MMP26: variants seen among roughly 807,000 people sequenced by gnomAD.
MMP26 encodes matrix metallopeptidase 26.
Under a neutral mutation model 31.0 loss-of-function variants are expected in MMP26, and 33 were observed. That is an observed-to-expected ratio of 1.06 (90% confidence interval 0.81 to 1.42). The LOEUF (loss-of-function observed/expected upper bound fraction) is 1.42, where lower values mean the gene tolerates loss of function less well. Ranked by LOEUF, MMP26 falls within the 40% of genes most tolerant of loss-of-function variation. The pLI, the probability that MMP26 is intolerant of heterozygous loss-of-function variation, is 0.00. For missense variants in MMP26, 347 were observed against 316.1 expected, an observed-to-expected ratio of 1.10 and a Z score of -0.74; for synonymous variants, 122 against 114.9, an observed-to-expected ratio of 1.06 and a Z score of -0.40.
intron 2 of MMP26, among the ~76,000 whole-genome samples, chr11:4,841,329 A>G (rs1849792867): frequency 6.6e-6 from 1 of 152,294 alleles, no homozygotes; most frequent in African/African-American, 2.4e-5. Flanking sequence ...GTTAGAGAAT[A>G]CCGAATCAAT....
At chr11:4,805,842 T>C (rs1849260357) in intron 2 of MMP26, among the ~76,000 whole-genome samples, 1 of 152,200 alleles carries the variant, frequency 6.6e-6, no homozygotes, top group Non-Finnish European at 1.5e-5. Flanking sequence ...TTGAGTTTTT[T>C]GGTGATCACT....
intron 2 of MMP26, among the ~76,000 whole-genome samples, chr11:4,881,431 G>A (rs1208440102): frequency 6.6e-6 from 1 of 152,044 alleles, no homozygotes; most frequent in Non-Finnish European, 1.5e-5. Context: ...AACATATGTA[G>A]ACTTTTATAC....
intron 1 of MMP26, chr11:4,723,050 T>G: frequency 8.7e-7 from 1 of 1,153,164 alleles, no homozygotes; most frequent in Non-Finnish European, 1.3e-6. Flanking sequence ...CAGTTTGACT[T>G]TCATCAGCTC....
At chr11:4,765,135 G>A (rs555363832) in intron 1 of MMP26, among the ~76,000 whole-genome samples, 6 of 152,126 alleles carry the variant, frequency 3.9e-5, no homozygotes, top group African/African-American at 1.4e-4. Context: ...ATATGTCGGA[G>A]CATGGGCACT....
intron 2 of MMP26, chr11:4,848,906 A>G: frequency 6.2e-7 from 1 of 1,614,148 alleles, no homozygotes; most frequent in African/African-American, 1.3e-5. Context: ...AGGCTGAGGC[A>G]GGGACAGTGT....
intron 2 of MMP26, chr11:4,803,848 G>GGAAT (rs1333346655): frequency 6.2e-7 from 1 of 1,612,752 alleles, no homozygotes; most frequent in Admixed American, 1.7e-5. Context: ...GTATGACTGG[G>GGAAT]GAATGGCTTG....
chr11:4,722,890 G>A, intron 1 of MMP26: 2 of 792,840 alleles, frequency 2.5e-6, no homozygotes, highest in Non-Finnish European at 4.5e-6. Context: ...TGAGGCCAGG[G>A]CTTGTGAGGC....
Position 4,928,975 on chromosome 11 carries a change from G to A in MMP26, c.-144-59093G>A, listed in dbSNP as rs150231838. ...TTTTTCCAGGTCCAATTGTTGGTGGGCAATGTATTTGACAATGCTGGCCCT... is the reference window on the plus strand; with the variant it reads ...TTTTTCCAGGTCCAATTGTTGGTGGACAATGTATTTGACAATGCTGGCCCT... On this transcript the variant is annotated intron_variant, in intron 2 of 7. Transcript: ENST00000380390. Among the ~76,000 whole-genome samples the A allele has an allele frequency of 3.4e-4, 52 of 152,170 alleles. No homozygotes were observed. The East Asian group carries it at 8.9e-3, about 26-fold the overall frequency.
intron 2 of MMP26, chr11:4,945,898 C>A: frequency 2.2e-6 from 1 of 464,546 alleles, no homozygotes; most frequent in Non-Finnish European, 3.9e-6. Flanking sequence ...ATTTTTCTGT[C>A]TTGGTTGTAA....
chr11:4,915,235 G>C (rs756594291), intron 2 of MMP26: 2 of 1,614,012 alleles, frequency 1.2e-6, no homozygotes, highest in Non-Finnish European at 1.7e-6. Context: ...CAATGACTGT[G>C]TTGGTGAGAA....
Position 4,924,260 on chromosome 11 carries a change from C to T in MMP26, c.-144-63808C>T, listed in dbSNP as rs762936228. On this transcript the variant is annotated intron_variant, in intron 2 of 7. Coordinates refer to ENST00000380390, the MANE Select transcript of MMP26 (RefSeq NM_021801.5). ...GAAGCAGAAGGGAATAGAGATCCAG[C>T]CATGGAGACCTTCTAGACCTTGGAA... 9.9e-6 allele frequency: 16 copies of T among 1,614,004 alleles called. No homozygotes were observed. In the African/African-American group the frequency reaches 1.3e-4, roughly 13 times the overall value.
chr11:4,764,918 C>G (rs983953821), intron 1 of MMP26, among the ~76,000 whole-genome samples: 1 of 149,914 alleles, frequency 6.7e-6, no homozygotes, highest in Admixed American at 6.6e-5. Context: ...CTAACATTTT[C>G]ATATATCCTT....
chr11:4,827,706 A>G (rs1160608734), intron 2 of MMP26, among the ~76,000 whole-genome samples: 1 of 152,026 alleles, frequency 6.6e-6, no homozygotes, highest in Non-Finnish European at 1.5e-5. Flanking sequence ...TGGAGGAGGA[A>G]GAGCTAGGGT....
At chr11:4,705,199 G>A (rs914154850) in intron 1 of MMP26, among the ~76,000 whole-genome samples, 154 bp downstream of exon 1, 2 of 152,198 alleles carry the variant, frequency 1.3e-5, no homozygotes, top group East Asian at 1.9e-4. Context: ...CAAAAATATC[G>A]TTGTAGCGTT....
intron 2 of MMP26, among the ~76,000 whole-genome samples, chr11:4,895,434 T>C (rs557277234): frequency 3.9e-5 from 6 of 152,310 alleles, no homozygotes; most frequent in African/African-American, 1.4e-4. Context: ...CCCTGTGAAG[T>C]CTGCTTTTCT....
chr11:4,907,735 C>T, intron 2 of MMP26: 1 of 1,614,018 alleles, frequency 6.2e-7, no homozygotes, highest in Non-Finnish European at 8.5e-7. Flanking sequence ...CTTTGGACCG[C>T]TTTCTTGCCA....
At chr11:4,988,363 TA>T in intron 3 of MMP26, 53 bp downstream of exon 3, 1 of 1,386,644 alleles carries the variant, frequency 7.2e-7, no homozygotes, top group Non-Finnish European at 1.0e-6. Flanking sequence ...TGTGGGCTCT[TA>T]TTTCGTGTGT....
intron 1 of MMP26, among the ~76,000 whole-genome samples, chr11:4,714,107 G>A (rs1251945285): frequency 1.3e-5 from 2 of 152,118 alleles, no homozygotes; most frequent in African/African-American, 4.8e-5. Flanking sequence ...AAAACAGGCA[G>A]GAAAGAACAC....
chr11:4,857,135 C>T (rs575098983), intron 2 of MMP26, among the ~76,000 whole-genome samples: 35 of 151,732 alleles, frequency 2.3e-4, no homozygotes, highest in Middle Eastern at 3.4e-3. Context: ...GATCTAAAAT[C>T]GACACCCTAA....
Sources: allele counts gnomAD v4.1 joint callset (sites outside exome capture counted in the v4.1 genomes callset), GRCh38; gene constraint gnomAD v4.1.1; transcripts MANE v1.5; gene names NCBI Gene and HGNC (gene_info 2026-07-23, HGNC 2026-07-21).